WDPCP: variants seen among roughly 807,000 people sequenced by gnomAD.
WDPCP encodes WD repeat containing planar cell polarity effector.
Under a neutral mutation model 93.1 loss-of-function variants are expected in WDPCP, and 71 were observed. That is an observed-to-expected ratio of 0.76 (90% CI 0.63 to 0.93). The LOEUF (loss-of-function observed/expected upper bound fraction) is 0.93, where lower values mean the gene tolerates loss of function less well. WDPCP is among the 40% of genes least tolerant of loss of function. The pLI is 0.00. For synonymous variants in WDPCP, 315 were observed against 315.0 expected (o/e 1.00, Z 0.00); for missense variants, 844 against 887.4 (o/e 0.95, Z 0.62).
At chr2:63,154,404 T>C (rs765611688) in intron 15 of WDPCP, among the ~76,000 whole-genome samples, 1 of 152,140 alleles carries the variant, frequency 6.6e-6, no homozygotes, top group Non-Finnish European at 1.5e-5. Flanking sequence ...AATTATACCA[T>C]ATAAACTTTT....
chr2:63,694,863 A>C (rs1326637336), intron 2 of WDPCP, among the ~76,000 whole-genome samples: 2 of 152,212 alleles, frequency 1.3e-5, no homozygotes, highest in Non-Finnish European at 2.9e-5. Flanking sequence ...ACCTAAAGAT[A>C]AGAAAAGGCA....
chr2:63,649,835 C>A (rs545161368), intron 3 of WDPCP, among the ~76,000 whole-genome samples: 2 of 152,108 alleles, frequency 1.3e-5, no homozygotes, highest in African/African-American at 4.8e-5. Context: ...GGACTTGGAG[C>A]AAAAGGGAAA....
At chr2:63,232,443 C>T (rs1678994964) in intron 14 of WDPCP, 1 of 152,194 alleles carries the variant, frequency 6.6e-6, no homozygotes, top group Non-Finnish European at 1.5e-5. Flanking sequence ...TAAGTTTAGA[C>T]ACAGATTTTG....
At chr2:63,505,570 C>T (rs944659429) in intron 1 of WDPCP, among the ~76,000 whole-genome samples, 3 of 151,932 alleles carry the variant, frequency 2.0e-5, no homozygotes, top group African/African-American at 7.2e-5. Flanking sequence ...GTTTCCTATG[C>T]TTTTTTAATT....
rs1157902732 is a variant in WDPCP at position 63,535,076 on chromosome 2, CAGAG to C, written c.76-42140_76-42137del. 1.2e-4 allele frequency among the ~76,000 whole-genome samples: 19 copies of C among 152,254 alleles called. No homozygotes were observed. In the South Asian group the frequency reaches 3.5e-3, roughly 28 times the overall value. On this transcript the variant is annotated intron_variant, in intron 1 of 17. Transcript: ENST00000272321. ...TTCCTATACACCAATAATAGACAAA[CAGAG>C]AGCCAAATCATGAGTGAACTCCCAT...
At chr2:63,501,400 C>CA (rs1289211271) in intron 1 of WDPCP, among the ~76,000 whole-genome samples, 1 of 151,940 alleles carries the variant, frequency 6.6e-6, no homozygotes, top group Non-Finnish European at 1.5e-5. Context: ...CCTGTCTCTA[C>CA]AAAAAATAAA....
chr2:63,367,169 C>T (rs146945361), intron 12 of WDPCP, among the ~76,000 whole-genome samples: 1 of 151,578 alleles, frequency 6.6e-6, no homozygotes, highest in East Asian at 1.9e-4. Flanking sequence ...TTTAATTTTA[C>T]TGTGACCTAA....
intron 1 of WDPCP, among the ~76,000 whole-genome samples, chr2:63,549,723 G>A (rs1705435442): frequency 1.3e-5 from 2 of 152,090 alleles, no homozygotes; most frequent in South Asian, 4.1e-4. Context: ...CTGAGATCGA[G>A]CCACTGCAAC....
At chr2:63,473,382 G>A (rs972626362) in intron 6 of WDPCP, among the ~76,000 whole-genome samples, 1 of 152,110 alleles carries the variant, frequency 6.6e-6, no homozygotes, top group Non-Finnish European at 1.5e-5. Context: ...AATGTGCTTA[G>A]TGTTTTCAAG....
At chr2:63,352,238 T>C (rs1388236019) in intron 12 of WDPCP, among the ~76,000 whole-genome samples, 1 of 152,220 alleles carries the variant, frequency 6.6e-6, no homozygotes, top group African/African-American at 2.4e-5. Flanking sequence ...ACTCTGTTGA[T>C]AGTTTCTTTT....
chr2:63,518,897 T>A (rs1702733051), intron 1 of WDPCP: 1 of 152,306 alleles, frequency 6.6e-6, no homozygotes, highest in Non-Finnish European at 1.5e-5. Context: ...AACCTGCTCA[T>A]GCCCACCTCC....
intron 2 of WDPCP, among the ~76,000 whole-genome samples, chr2:63,808,390 G>A (rs1026759934): frequency 7.4e-6 from 1 of 135,490 alleles, no homozygotes; most frequent in East Asian, 2.5e-4. Context: ...CTCTGATGCC[G>A]AGCCGAAGCT....
chr2:63,288,812 C>T (rs1684201502), intron 13 of WDPCP, among the ~76,000 whole-genome samples: 1 of 152,074 alleles, frequency 6.6e-6, no homozygotes, highest in Admixed American at 6.6e-5. Context: ...CTTTAGTCTC[C>T]TTTAATCTGG....
intron 1 of WDPCP, among the ~76,000 whole-genome samples, chr2:63,527,086 G>T (rs1160328728): frequency 2.0e-5 from 3 of 152,172 alleles, no homozygotes; most frequent in African/African-American, 4.8e-5. Context: ...GTTTTGAGGT[G>T]CTGGACAATA....
chr2:63,381,263 C>T (rs1692279679), intron 11 of WDPCP, among the ~76,000 whole-genome samples: 1 of 152,000 alleles, frequency 6.6e-6, no homozygotes, highest in African/African-American at 2.4e-5. Context: ...CAGCATTCCC[C>T]ACTGCCCCAC....
At chr2:63,615,281 C>CT (rs1260514676) in intron 3 of WDPCP, among the ~76,000 whole-genome samples, 1 of 152,180 alleles carries the variant, frequency 6.6e-6, no homozygotes, top group East Asian at 1.9e-4. Flanking sequence ...GAGCACATTC[C>CT]TTTCCTTTTT....
At chr2:63,240,107 A>G (rs1679746606) in intron 14 of WDPCP, among the ~76,000 whole-genome samples, 1 of 152,102 alleles carries the variant, frequency 6.6e-6, no homozygotes. Flanking sequence ...CCAAAAAGGG[A>G]CTGTTGAAGT....
intron 2 of WDPCP, among the ~76,000 whole-genome samples, chr2:63,803,205 T>G (rs1670719461): frequency 6.6e-6 from 1 of 152,216 alleles, no homozygotes; most frequent in Non-Finnish European, 1.5e-5. Context: ...ACTTTGACAT[T>G]CATACTCTGG....
chr2:63,411,089 T>C (rs1296400254), intron 9 of WDPCP, among the ~76,000 whole-genome samples: 1 of 152,188 alleles, frequency 6.6e-6, no homozygotes, highest in Non-Finnish European at 1.5e-5. Context: ...ATACACATTC[T>C]ATTCAACAGC....
Sources: gnomAD v4.1 joint callset for allele counts (sites outside exome capture counted in the v4.1 genomes callset) on GRCh38, gnomAD v4.1.1 for gene constraint, MANE v1.5 for transcripts, NCBI Gene and HGNC (gene_info 2026-07-23, HGNC 2026-07-21) for gene names.